Variants in SLC4A4 observed in about 807,000 individuals in gnomAD.
The protein encoded by SLC4A4 is electrogenic sodium bicarbonate cotransporter 1.
SLC4A4 carries 27 observed loss-of-function variants against 111.5 expected under a neutral mutation model. The ratio of observed to expected loss-of-function variants is 0.24; its 90% confidence interval spans 0.18 to 0.33. The LOEUF is 0.33. SLC4A4 is among the 10% of genes least tolerant of loss of function. SLC4A4 has a pLI of 1.00. For missense variants in SLC4A4, 909 were observed against 1,315.5 expected (o/e 0.69, Z 4.78); for synonymous variants, 443 against 463.4 (o/e 0.96, Z 0.57).
intron 3 of SLC4A4, among the ~76,000 whole-genome samples, chr4:71,260,825 T>C (rs947726248): frequency 6.6e-6 from 1 of 152,192 alleles, no homozygotes; most frequent in Non-Finnish European, 1.5e-5. Flanking sequence ...AAGGGGATGA[T>C]CGATTTTAAT....
At chr4:71,381,976 T>C (rs1368731112) in intron 6 of SLC4A4, among the ~76,000 whole-genome samples, 1 of 151,940 alleles carries the variant, frequency 6.6e-6, no homozygotes, top group African/African-American at 2.4e-5. Flanking sequence ...GGTCGTTAGG[T>C]AGTGAGAGAT....
chr4:71,415,444 G>C (rs946733725), intron 7 of SLC4A4, among the ~76,000 whole-genome samples: 2 of 152,076 alleles, frequency 1.3e-5, no homozygotes, highest in Admixed American at 1.3e-4. Context: ...TGTGCTAGGA[G>C]CTTTTACCTA....
intron 15 of SLC4A4, among the ~76,000 whole-genome samples, chr4:71,495,366 C>T (rs1198034525): frequency 1.3e-5 from 2 of 152,026 alleles, no homozygotes; most frequent in Non-Finnish European, 2.9e-5. Context: ...GATTTTAAAA[C>T]AAAGAAACCT....
At chr4:71,560,418 G>T (rs199588108) in intron 23 of SLC4A4, among the ~76,000 whole-genome samples, 164 bp downstream of exon 23, 2 of 94,456 alleles carry the variant, frequency 2.1e-5, no homozygotes, top group African/African-American at 6.9e-5. Context: ...TATATTCTCT[G>T]GTTTTTTATG....
intron 2 of SLC4A4, among the ~76,000 whole-genome samples, chr4:71,172,810 T>G (rs1424411224): frequency 1.3e-5 from 2 of 152,120 alleles, no homozygotes; most frequent in Admixed American, 1.3e-4. Flanking sequence ...GAAAAAGATT[T>G]CCCTCCTCCG....
intron 2 of SLC4A4, among the ~76,000 whole-genome samples, chr4:71,181,971 A>T (rs1745307606): frequency 6.6e-6 from 1 of 152,214 alleles, no homozygotes; most frequent in East Asian, 1.9e-4. Context: ...GTAAATTGGC[A>T]ATGTGACCTG....
At chr4:71,524,871 G>A (rs73829826) in intron 16 of SLC4A4, among the ~76,000 whole-genome samples, 2,105 of 152,206 alleles carry the variant, frequency 0.014, 35 homozygotes, top group South Asian at 0.066. Flanking sequence ...TGTACTGAGA[G>A]CCCACAGGGT....
chr4:71,376,111 A>G (rs1383883518), intron 6 of SLC4A4, among the ~76,000 whole-genome samples: 1 of 148,838 alleles, frequency 6.7e-6, no homozygotes, highest in Non-Finnish European at 1.5e-5. Context: ...ATATATATAT[A>G]CGTTTGTGTA....
intron 6 of SLC4A4, among the ~76,000 whole-genome samples, chr4:71,378,118 A>G (rs1199802986): frequency 6.6e-6 from 1 of 152,110 alleles, no homozygotes; most frequent in African/African-American, 2.4e-5. Flanking sequence ...AACACATGGG[A>G]ATTCTGGGAG....
At chr4:71,295,382 T>G (rs2255429) in intron 3 of SLC4A4, among the ~76,000 whole-genome samples, 4,692 of 152,274 alleles carry the variant, frequency 0.031, 251 homozygotes, top group African/African-American at 0.11. Flanking sequence ...ACTGGTACTT[T>G]CATTGTGGGA....
chr4:71,274,489 A>G (rs1578730152), intron 3 of SLC4A4, among the ~76,000 whole-genome samples: 1 of 152,208 alleles, frequency 6.6e-6, no homozygotes, highest in African/African-American at 2.4e-5. Flanking sequence ...AATAAAACAA[A>G]TAGTTTGACA....
At chr4:71,183,633 A>G (rs1745370893), upstream of SLC4A4, among the ~76,000 whole-genome samples, 2 of 152,208 alleles carry the variant, frequency 1.3e-5, no homozygotes, top group South Asian at 4.1e-4. Flanking sequence ...AGAAGAACAA[A>G]AGTTGCTTTT....
chr4:71,216,744 G>T (rs940392340), intron 1 of SLC4A4, among the ~76,000 whole-genome samples: 1 of 152,104 alleles, frequency 6.6e-6, no homozygotes, highest in Non-Finnish European at 1.5e-5. Flanking sequence ...TTCTCTCTCC[G>T]CCAGTTGCTA....
chr4:71,087,969 T>C (rs910542821), intron 1 of SLC4A4, among the ~76,000 whole-genome samples: 18 of 152,102 alleles, frequency 1.2e-4, no homozygotes, highest in Non-Finnish European at 2.5e-4. Flanking sequence ...TTGTTAACTT[T>C]CTGTCTCATT....
At chr4:71,247,603 TA>T (rs1720770054) in intron 2 of SLC4A4, among the ~76,000 whole-genome samples, 1 of 152,168 alleles carries the variant, frequency 6.6e-6, no homozygotes, top group African/African-American at 2.4e-5. Flanking sequence ...CAAATCCAGT[TA>T]TCAATGACCA....
At chr4:71,338,432 A>G (rs142582024) in intron 3 of SLC4A4, among the ~76,000 whole-genome samples, 1 of 152,218 alleles carries the variant, frequency 6.6e-6, no homozygotes, top group East Asian at 1.9e-4. Flanking sequence ...TGTTGGTTTT[A>G]CCCAGGGATT....
intron 16 of SLC4A4, among the ~76,000 whole-genome samples, chr4:71,499,651 C>T (rs934199218): frequency 2.6e-5 from 4 of 152,256 alleles, no homozygotes; most frequent in African/African-American, 9.6e-5. Context: ...TTAGGTTTCA[C>T]GTGTAAGTGA....
Position 71,383,773 on chromosome 4 carries a change from T to A in SLC4A4, c.731-13804T>A, listed in dbSNP as rs7435892. On this transcript the variant is annotated intron_variant, in intron 6 of 25. Coordinates refer to ENST00000264485, the MANE Select transcript of SLC4A4 (RefSeq NM_001098484.3). ...TCCATTTTACTACCTTTTCTTATTT[T>A]GTCTTTTTTCATGATATTAATAACA... Among the ~76,000 whole-genome samples, 1,204 of 152,336 alleles carry A rather than the reference T, an allele frequency of 7.9e-3. 16 individuals carry two copies. Among genetic ancestry groups the A allele is most frequent in the African/African-American group, 0.026 (1,066 of 41,570 alleles).
chr4:71,304,715 T>G (rs1725548056), intron 3 of SLC4A4, among the ~76,000 whole-genome samples: 1 of 152,216 alleles, frequency 6.6e-6, no homozygotes, highest in South Asian at 2.1e-4. Context: ...GACCAAATTC[T>G]GGGTCCAGAT....
Sources: allele counts gnomAD v4.1 joint callset (sites outside exome capture counted in the v4.1 genomes callset), GRCh38; gene constraint gnomAD v4.1.1; transcripts MANE v1.5; gene names NCBI Gene and HGNC (gene_info 2026-07-23, HGNC 2026-07-21).